The following TTC39C variants were observed in gnomAD, a reference collection of about 807,000 sequenced individuals.
TTC39C encodes tetratricopeptide repeat protein 39C.
TTC39C carries 33 observed loss-of-function variants against 76.3 expected under a neutral mutation model. The observed-to-expected ratio is 0.43, with a 90% CI of 0.33 to 0.58. TTC39C has a LOEUF of 0.58. Among genes scored for constraint, TTC39C ranks in the 20% least tolerant of loss-of-function variants. The pLI, the probability that TTC39C is intolerant of heterozygous loss-of-function variation, is 0.04. For missense variants in TTC39C, 595 were observed against 701.4 expected, an observed-to-expected ratio of 0.85 and a Z score of 1.71; for synonymous variants, 254 against 260.6, an observed-to-expected ratio of 0.97 and a Z score of 0.24.
intron 4 of TTC39C, among the ~76,000 whole-genome samples, chr18:24,075,616 C>T (rs756385166): frequency 2.9e-5 from 4 of 136,642 alleles, no homozygotes; most frequent in Non-Finnish European, 4.6e-5. Flanking sequence ...CTTGGGAGGT[C>T]GGGGCTGCAG....
intron 1 of TTC39C, among the ~76,000 whole-genome samples, chr18:24,049,845 C>T (rs2083927045): frequency 6.6e-6 from 1 of 152,102 alleles, no homozygotes; most frequent in African/African-American, 2.4e-5. Context: ...TCCTATTTTC[C>T]CTATTGTTAT....
At chr18:24,033,022 T>A (rs2011365) in intron 1 of TTC39C, among the ~76,000 whole-genome samples, 114,602 of 152,144 alleles carry the variant, frequency 0.75, 43,888 homozygotes, top group Non-Finnish European at 0.8. Flanking sequence ...GAAGGTGAAG[T>A]CGAGTGGATC....
Position 24,132,640 on chromosome 18 carries a change from A to T in TTC39C, c.*66A>T. ...CCGCACTTTAAAATAAAAGCAGAGGACAAAGCTCTTGTGAAGATGGGCTTT... is the reference window on the plus strand; with the variant it reads ...CCGCACTTTAAAATAAAAGCAGAGGTCAAAGCTCTTGTGAAGATGGGCTTT... On this transcript the variant is annotated 3_prime_UTR_variant, in exon 14 of 14. Coordinates refer to ENST00000317571, the MANE Select transcript of TTC39C (RefSeq NM_001135993.2). The T allele has an allele frequency of 7.2e-7, 1 of 1,394,438 alleles. No homozygotes were observed. The highest frequency in any genetic ancestry group is 9.9e-7 in the Non-Finnish European group (1 of 1,006,338). 86.4% of individuals were successfully genotyped at this position (1,394,438 alleles called of 1,614,324 possible).
At chr18:24,016,614 A>T (rs759429219) in intron 1 of TTC39C, 36 of 398,366 alleles carry the variant, frequency 9.0e-5, no homozygotes, top group Non-Finnish European at 1.4e-4. Flanking sequence ...TTTACATTGA[A>T]AGCATGAAAT....
intron 6 of TTC39C, among the ~76,000 whole-genome samples, chr18:24,097,559 T>C (rs1188714629): frequency 6.6e-6 from 1 of 152,222 alleles, no homozygotes; most frequent in African/African-American, 2.4e-5. Context: ...CCAATTGAGA[T>C]GTCTATGGTG....
chr18:24,091,135 T>A (rs531519994), intron 6 of TTC39C, among the ~76,000 whole-genome samples: 136 of 152,334 alleles, frequency 8.9e-4, no homozygotes, highest in African/African-American at 3.0e-3. Flanking sequence ...GACATGGACA[T>A]CAAGACACGT....
chr18:24,012,886 C>CACACACAT (rs60925867), upstream of TTC39C: 1 of 142,510 alleles, frequency 7.0e-6, no homozygotes, highest in Admixed American at 7.0e-5. Flanking sequence ...CACACACACA[C>CACACACAT]GCATAAATTT....
chr18:24,014,687 A>C, upstream of TTC39C: 2 of 899,772 alleles, frequency 2.2e-6, no homozygotes, highest in Non-Finnish European at 2.8e-6. Flanking sequence ...GCCGCGCCGC[A>C]GCCGGGCCGC....
At chr18:24,105,265 G>A (rs2084732481) in intron 6 of TTC39C, among the ~76,000 whole-genome samples, 1 of 152,044 alleles carries the variant, frequency 6.6e-6, no homozygotes, top group Non-Finnish European at 1.5e-5. Context: ...TCCAGGAAAT[G>A]CAAATTAAAA....
intron 1 of TTC39C, among the ~76,000 whole-genome samples, chr18:24,050,564 A>AG: frequency 8.4e-5 from 1 of 11,856 alleles, no homozygotes; most frequent in Non-Finnish European, 1.8e-4. Context: ...ACCCTGTCTC[A>AG]AAAAAAAAAA....
intron 4 of TTC39C, among the ~76,000 whole-genome samples, chr18:24,080,272 A>G (rs1294007279): frequency 6.6e-6 from 1 of 152,178 alleles, no homozygotes; most frequent in Non-Finnish European, 1.5e-5. Context: ...AAGATGTTGG[A>G]TTCAGGTGAT....
At chr18:24,005,518 C>T (rs2083344804) in intron 1 of TTC39C, among the ~76,000 whole-genome samples, 1 of 151,932 alleles carries the variant, frequency 6.6e-6, no homozygotes. Context: ...GCTTTATTGA[C>T]ATATAATTTA....
At chr18:24,056,948 G>A (rs1163469872) in intron 1 of TTC39C, among the ~76,000 whole-genome samples, 1 of 152,080 alleles carries the variant, frequency 6.6e-6, no homozygotes, top group African/African-American at 2.4e-5. Flanking sequence ...CTCCGGAAGT[G>A]CTAGGATTAT....
intron 6 of TTC39C, among the ~76,000 whole-genome samples, chr18:24,102,752 G>C (rs755487245): frequency 2.2e-4 from 34 of 152,192 alleles, no homozygotes; most frequent in Non-Finnish European, 4.0e-4. Flanking sequence ...CACCCCACAT[G>C]TTGGCCCCTC....
chr18:24,087,526 C>G (rs1459166397), intron 6 of TTC39C, among the ~76,000 whole-genome samples: 1 of 151,220 alleles, frequency 6.6e-6, no homozygotes, highest in African/African-American at 2.4e-5. Flanking sequence ...AAGTCGTTTT[C>G]TATAAAGTTA....
At chr18:24,057,847 A>T in intron 1 of TTC39C, among the ~76,000 whole-genome samples, 1 of 152,250 alleles carries the variant, frequency 6.6e-6, no homozygotes, top group East Asian at 1.9e-4. Flanking sequence ...GTTCTGCCAT[A>T]AAGGCACATG....
At chr18:24,060,826 G>A (rs936706812) in intron 1 of TTC39C, among the ~76,000 whole-genome samples, 6 of 152,096 alleles carry the variant, frequency 3.9e-5, no homozygotes, top group Non-Finnish European at 7.4e-5. Context: ...ATATGATTAC[G>A]AAAATAGTTA....
chr18:23,996,074 A>T (rs1229726836), intron 1 of TTC39C, among the ~76,000 whole-genome samples: 3 of 152,162 alleles, frequency 2.0e-5, no homozygotes, highest in Non-Finnish European at 4.4e-5. Context: ...CCAACATTTG[A>T]TATTGTCACT....
intron 10 of TTC39C, among the ~76,000 whole-genome samples, chr18:24,125,964 G>A (rs1237914321): frequency 6.6e-6 from 1 of 152,224 alleles, no homozygotes; most frequent in Non-Finnish European, 1.5e-5. Flanking sequence ...GAGGCAGGCA[G>A]ATGGCTTGAG....
Sources: allele counts gnomAD v4.1 joint callset (sites outside exome capture counted in the v4.1 genomes callset), GRCh38; gene constraint gnomAD v4.1.1; transcripts MANE v1.5; gene names NCBI Gene and HGNC (gene_info 2026-07-23, HGNC 2026-07-21).